The following RPH3AL variants were observed in gnomAD, a reference collection of about 807,000 sequenced individuals.
RPH3AL encodes rab effector Noc2.
RPH3AL carries 38 observed loss-of-function variants against 43.1 expected under a neutral mutation model. The ratio of observed to expected loss-of-function variants is 0.88; its 90% CI spans 0.68 to 1.15. RPH3AL has a LOEUF of 1.15. Among genes scored for constraint, RPH3AL ranks in the 50% most tolerant of loss-of-function variants. The pLI is 0.00. For missense variants in RPH3AL, 462 were observed against 423.2 expected (o/e 1.09, Z -0.81); for synonymous variants, 189 against 176.3 (o/e 1.07, Z -0.57).
At chr17:340,431 T>C (rs12936621) in intron 1 of RPH3AL, among the ~76,000 whole-genome samples, 25,334 of 28,262 alleles carry the variant, frequency 0.9, 11,690 homozygotes, top group Middle Eastern at 1. Flanking sequence ...CCCACATCCA[T>C]ACTCACTGCC....
At chr17:268,421 T>C (rs1031454685) in intron 6 of RPH3AL, among the ~76,000 whole-genome samples, 5 of 152,194 alleles carry the variant, frequency 3.3e-5, no homozygotes, top group African/African-American at 1.2e-4. Flanking sequence ...GAATATAGTA[T>C]ATAATGCATA....
Position 241,711 on chromosome 17 carries a change from C to CTTTTTTTTTTTTTTTT in RPH3AL, c.613+5399_613+5400insAAAAAAAAAAAAAAAA, listed in dbSNP as rs1001979455. 9.7e-5 allele frequency among the ~76,000 whole-genome samples: 9 copies of CTTTTTTTTTTTTTTTT among 92,760 alleles called. 1 individual carries two copies. The highest frequency in any genetic ancestry group is 1.8e-4 in the Non-Finnish European group (8 of 45,000). 60.9% of individuals were successfully genotyped at this position (92,760 alleles called of 152,430 possible). On this transcript the variant is annotated intron_variant, in intron 7 of 9. Transcript: ENST00000331302. The stretch of plus-strand genomic sequence containing the variant: ...GTAAGTAGAAGAGATGTTTCTTTTT[C>CTTTTTTTTTTTTTTTT]TTTTTTTTTCTTTTTTTTTTTTTTT...
chr17:316,355 G>T (rs1197264936), intron 5 of RPH3AL, among the ~76,000 whole-genome samples: 3 of 125,330 alleles, frequency 2.4e-5, no homozygotes, highest in African/African-American at 9.4e-5. Flanking sequence ...TAGTCTCTGT[G>T]CTCCACCTCC....
At chr17:298,492 T>C (rs1327535147) in intron 5 of RPH3AL, among the ~76,000 whole-genome samples, 1 of 151,226 alleles carries the variant, frequency 6.6e-6, no homozygotes. Flanking sequence ...AGGTCAGGAG[T>C]TTGAGACCAG....
At chr17:242,283 CTACCTTCCTCTATTGAT>C (rs1202787901) in intron 7 of RPH3AL, among the ~76,000 whole-genome samples, 2,448 of 120,946 alleles carry the variant, frequency 0.02, no homozygotes, top group Non-Finnish European at 0.028. Flanking sequence ...CCTCTATTGA[CTACCTTCCTCTATTGAT>C]TACCTTCCTC....
chr17:325,154 A>C (rs969649928), intron 3 of RPH3AL, among the ~76,000 whole-genome samples: 3 of 152,128 alleles, frequency 2.0e-5, no homozygotes, highest in African/African-American at 7.2e-5. Flanking sequence ...AGCCACCGCG[A>C]CCGGCCTATT....
intron 6 of RPH3AL, among the ~76,000 whole-genome samples, chr17:273,033 GCGAGGGCGACGTCAGGGAGAGACCCCA>G (rs2042538207): frequency 1.9e-5 from 2 of 105,912 alleles, no homozygotes; most frequent in African/African-American, 6.0e-5. Flanking sequence ...AGAGACCCCA[GCGAGGGCGACGTCAGGGAGAGACCCCA>G]GCGAGGGCGA....
intron 5 of RPH3AL, among the ~76,000 whole-genome samples, chr17:313,885 A>G (rs76511644): frequency 0.05 from 7,581 of 150,692 alleles, 240 homozygotes; most frequent in Non-Finnish European, 0.075. Context: ...CCCCTAATAC[A>G]CTCCCCTCCC....
At position 213,870 on chromosome 17, in the gene RPH3AL, GGGGCCTGCT is replaced by G; in HGVS notation, c.921_929del (p.Ala308_Pro310del). The G allele has an allele frequency of 6.2e-7, 1 of 1,613,694 alleles. No homozygotes were observed. Among genetic ancestry groups the G allele is most frequent in the Admixed American group, 1.7e-5 (1 of 60,020 alleles). ...AGACACCTCAGCCCAGGCAGCTGGA[GGGGCCTGCT>G]GGAGCTGCGTCAGCAGCGGGGGCTC... On this transcript the variant is annotated inframe_deletion, in exon 10 of 10. Coordinates refer to ENST00000331302, the MANE Select transcript of RPH3AL (RefSeq NM_006987.4).
intron 2 of RPH3AL, among the ~76,000 whole-genome samples, chr17:329,348 T>C (rs1453249579): frequency 2.0e-5 from 3 of 151,954 alleles, no homozygotes; most frequent in African/African-American, 4.8e-5. Flanking sequence ...TGGTGGCGAG[T>C]GCCTGTAATC....
chr17:230,914 G>C (rs1225207669), intron 7 of RPH3AL, among the ~76,000 whole-genome samples: 1 of 152,130 alleles, frequency 6.6e-6, no homozygotes, highest in Non-Finnish European at 1.5e-5. Flanking sequence ...TCGAACTCCT[G>C]GGCTCCAGGG....
chr17:319,567 G>A lies in RPH3AL; in HGVS notation c.222-18C>T. 6.2e-7 allele frequency: 1 copy of A among 1,608,476 alleles called. No homozygotes were observed. Among genetic ancestry groups the A allele is most frequent in the Non-Finnish European group, 8.5e-7 (1 of 1,179,818 alleles). ...CCAGCCGCCTGCAGCACAGGACACA[G>A]AGTCAGAGGGACTGTGCTTCCTGCC... On this transcript the variant is annotated intron_variant, in intron 4 of 9. Coordinates refer to ENST00000331302, the MANE Select transcript of RPH3AL (RefSeq NM_006987.4).
intron 5 of RPH3AL, among the ~76,000 whole-genome samples, chr17:315,634 AC>A (rs2044020176): frequency 1.4e-5 from 2 of 141,596 alleles, no homozygotes; most frequent in African/African-American, 2.8e-5. Context: ...CTCCACCTCC[AC>A]TGACCTGTAG....
chr17:250,403 C>T (rs143909369), intron 6 of RPH3AL, among the ~76,000 whole-genome samples: 4,293 of 140,198 alleles, frequency 0.031, 130 homozygotes, highest in South Asian at 0.062. Flanking sequence ...TAAGCTCCGT[C>T]GCTGCGGGAC....
At chr17:321,139 G>C in intron 4 of RPH3AL, 133 bp downstream of exon 4, 1 of 1,152,320 alleles carries the variant, frequency 8.7e-7, no homozygotes, top group Non-Finnish European at 1.2e-6. Flanking sequence ...AAGGGCTGGA[G>C]TCAGGGACCT....
At chr17:243,632 C>T (rs1238435119) in intron 7 of RPH3AL, among the ~76,000 whole-genome samples, 70 of 96,578 alleles carry the variant, frequency 7.2e-4, no homozygotes, top group African/African-American at 3.0e-3. Flanking sequence ...CTATTGATTA[C>T]CCTTCCTCTA....
chr17:275,967 C>G (rs907545687), intron 6 of RPH3AL, among the ~76,000 whole-genome samples: 4 of 152,152 alleles, frequency 2.6e-5, no homozygotes, highest in Non-Finnish European at 5.9e-5. Context: ...AATGGAAAGT[C>G]CAGAGCTGGG....
chr17:291,440 G>A (rs140202577), intron 5 of RPH3AL, among the ~76,000 whole-genome samples: 92 of 152,180 alleles, frequency 6.0e-4, no homozygotes, highest in African/African-American at 1.9e-3. Flanking sequence ...TTACTTTCCT[G>A]AGAGTTCCAG....
At chr17:341,524 G>T (rs2045119455) in intron 1 of RPH3AL, 1 of 152,148 alleles carries the variant, frequency 6.6e-6, no homozygotes. Context: ...AAAACCTAAT[G>T]CAAGAGCTAA....
Sources: gnomAD v4.1 joint callset for allele counts (sites outside exome capture counted in the v4.1 genomes callset) on GRCh38, gnomAD v4.1.1 for gene constraint, MANE v1.5 for transcripts, NCBI Gene and HGNC (gene_info 2026-07-23, HGNC 2026-07-21) for gene names.